Variants in SLC44A5 observed in about 807,000 individuals in gnomAD.
SLC44A5 encodes the protein choline transporter-like protein 5.
SLC44A5 carries 57 observed loss-of-function variants against 101.8 expected under a neutral mutation model. That is an observed-to-expected ratio of 0.56 (90% CI 0.45 to 0.70). SLC44A5 has a LOEUF of 0.70. Among genes scored for constraint, SLC44A5 ranks in the 30% least tolerant of loss-of-function variants. The pLI, the probability that SLC44A5 is intolerant of heterozygous loss-of-function variation, is 0.00. For missense variants in SLC44A5, 737 were observed against 853.1 expected (o/e 0.86, Z 1.70); for synonymous variants, 281 against 290.9 (o/e 0.97, Z 0.35).
chr1:75,484,718 C>G (rs548736640), intron 2 of SLC44A5, among the ~76,000 whole-genome samples: 15 of 152,382 alleles, frequency 9.8e-5, no homozygotes, highest in African/African-American at 3.6e-4. Context: ...TCCACCCCAG[C>G]AGCAGACTTC....
At chr1:75,547,335 A>C (rs890657886) in intron 1 of SLC44A5, among the ~76,000 whole-genome samples, 2 of 152,224 alleles carry the variant, frequency 1.3e-5, no homozygotes, top group African/African-American at 4.8e-5. Context: ...TTTCCACTCA[A>C]TGGGTGCCAA....
At chr1:75,688,492 A>G in the SLC44A5 span, among the ~76,000 whole-genome samples, 1 of 151,368 alleles carries the variant, frequency 6.6e-6, no homozygotes, top group Admixed American at 6.6e-5. Context: ...GTCCTTCTTT[A>G]TTGGCCATGC....
intron 2 of SLC44A5, among the ~76,000 whole-genome samples, chr1:75,508,444 C>A (rs1020524087): frequency 6.6e-6 from 1 of 151,890 alleles, no homozygotes; most frequent in African/African-American, 2.4e-5. Flanking sequence ...CTAGAGGAAC[C>A]AGAACAACAA....
At chr1:75,252,463 T>A (rs1251955999) in intron 6 of SLC44A5, among the ~76,000 whole-genome samples, 1 of 152,114 alleles carries the variant, frequency 6.6e-6, no homozygotes, top group Non-Finnish European at 1.5e-5. Flanking sequence ...GCCAATATTG[T>A]GGGGAGGGAG....
At chr1:75,258,810 A>G (rs12072164) in intron 6 of SLC44A5, among the ~76,000 whole-genome samples, 4,416 of 151,532 alleles carry the variant, frequency 0.029, 238 homozygotes, top group African/African-American at 0.1. Context: ...CCCCTCTGGG[A>G]CGAAGCTTCC....
At chr1:75,478,034 T>TCAGA (rs1667546937) in intron 2 of SLC44A5, among the ~76,000 whole-genome samples, 1 of 152,154 alleles carries the variant, frequency 6.6e-6, no homozygotes, top group African/African-American at 2.4e-5. Flanking sequence ...GGGAAGCCCA[T>TCAGA]CAGACTAACA....
intron 2 of SLC44A5, among the ~76,000 whole-genome samples, chr1:75,459,814 T>C (rs939300047): frequency 2.0e-5 from 3 of 152,202 alleles, no homozygotes; most frequent in Non-Finnish European, 4.4e-5. Context: ...CTTAAAAACA[T>C]ATTACTTTTA....
At chr1:75,429,976 T>C (rs1051229550) in intron 2 of SLC44A5, among the ~76,000 whole-genome samples, 15 of 152,186 alleles carry the variant, frequency 9.9e-5, no homozygotes, top group African/African-American at 3.6e-4. Context: ...ATGGCCCTCA[T>C]GGAGCTTGCT....
intron 3 of SLC44A5, among the ~76,000 whole-genome samples, chr1:75,372,467 A>G (rs941929124): frequency 6.6e-6 from 1 of 152,198 alleles, no homozygotes; most frequent in African/African-American, 2.4e-5. Context: ...ACTTTACCCA[A>G]GCAAAACAAG....
At chr1:75,427,978 C>T (rs1203095456) in intron 2 of SLC44A5, among the ~76,000 whole-genome samples, 2 of 152,294 alleles carry the variant, frequency 1.3e-5, no homozygotes, top group East Asian at 3.9e-4. Flanking sequence ...ATGAACCAGT[C>T]ACATACATTA....
chr1:75,408,255 C>T (rs996960979), intron 2 of SLC44A5, among the ~76,000 whole-genome samples: 1 of 152,182 alleles, frequency 6.6e-6, no homozygotes, highest in Admixed American at 6.6e-5. Context: ...TGTTTTTACA[C>T]TGTTGGTGGG....
chr1:75,423,692 C>T (rs759311448), intron 2 of SLC44A5, among the ~76,000 whole-genome samples: 13 of 152,146 alleles, frequency 8.5e-5, no homozygotes, highest in Non-Finnish European at 1.6e-4. Flanking sequence ...CTCCCTGCTC[C>T]CAGGACGCAC....
chr1:75,590,673 C>T (rs1674297197), intron 1 of SLC44A5, among the ~76,000 whole-genome samples: 1 of 152,180 alleles, frequency 6.6e-6, no homozygotes, highest in South Asian at 2.1e-4. Flanking sequence ...GGCAGTAGTC[C>T]TCATGGCCAG....
chr1:75,573,522 C>T (rs2102045117), intron 1 of SLC44A5, among the ~76,000 whole-genome samples: 1 of 152,142 alleles, frequency 6.6e-6, no homozygotes, highest in Admixed American at 6.6e-5. Flanking sequence ...AATAAAATTG[C>T]ATGTTTATCA....
chr1:75,716,654 G>A, the SLC44A5 span, among the ~76,000 whole-genome samples: 3 of 152,096 alleles, frequency 2.0e-5, no homozygotes, highest in East Asian at 1.9e-4. Context: ...AAAGACACAC[G>A]CATATGTATG....
chr1:75,392,967 T>C (rs1490250378), intron 3 of SLC44A5, among the ~76,000 whole-genome samples: 2 of 152,012 alleles, frequency 1.3e-5, no homozygotes, highest in Non-Finnish European at 2.9e-5. Flanking sequence ...CATACAGACA[T>C]AAACATGGGA....
At chr1:75,666,279 A>G in the SLC44A5 span, among the ~76,000 whole-genome samples, 1 of 152,216 alleles carries the variant, frequency 6.6e-6, no homozygotes, top group Non-Finnish European at 1.5e-5. Context: ...ATGAATTACC[A>G]TCAGAGAATA....
At chr1:75,268,235 G>A (rs1425199870) in intron 6 of SLC44A5, among the ~76,000 whole-genome samples, 7 of 152,062 alleles carry the variant, frequency 4.6e-5, no homozygotes, top group Admixed American at 4.6e-4. Flanking sequence ...CCTCTGGCTT[G>A]AGTGCTCTTC....
chr1:75,608,329 GTA>G (rs941659988), intron 1 of SLC44A5, among the ~76,000 whole-genome samples: 14 of 151,420 alleles, frequency 9.2e-5, no homozygotes, highest in African/African-American at 2.2e-4. Context: ...AATGTGAGGG[GTA>G]TGTGTGTGTG....
Sources: gnomAD v4.1 joint callset for allele counts (sites outside exome capture counted in the v4.1 genomes callset) on GRCh38, gnomAD v4.1.1 for gene constraint, MANE v1.5 for transcripts, NCBI Gene and HGNC (gene_info 2026-07-23, HGNC 2026-07-21) for gene names.